GAP43: variants seen among roughly 807,000 people sequenced by gnomAD.
GAP43 encodes the protein neuromodulin.
GAP43 carries 6 observed loss-of-function variants against 18.6 expected under a neutral mutation model. That is an observed-to-expected ratio of 0.32 (90% CI 0.18 to 0.64). The LOEUF (loss-of-function observed/expected upper bound fraction) is 0.64. Among genes scored for constraint, GAP43 ranks in the 30% least tolerant of loss-of-function variants. GAP43 has a pLI of 0.78. For missense variants in GAP43, 292 were observed against 295.5 expected (o/e 0.99, Z 0.09); for synonymous variants, 115 against 111.4 (o/e 1.03, Z -0.20).
rs188853423 is a variant in GAP43, at chr3:115,704,662, G to A, written c.629-16132G>A. On this transcript the variant is annotated intron_variant, in intron 2 of 2. Coordinates refer to ENST00000305124, the MANE Select transcript of GAP43 (RefSeq NM_002045.4). ...GGAGGGAAGGAAGAAAGAAGGGAGA[G>A]AGGATTAGAGTAATACAGTACATTT... Among the ~76,000 whole-genome samples, 155 of 152,186 alleles carry A rather than the reference G, an allele frequency of 1.0e-3. 1 individual carries two copies. Among genetic ancestry groups the A allele is most frequent in the African/African-American group, 3.6e-3 (151 of 41,560 alleles).
At chr3:115,633,633 C>A (rs148845661) in intron 1 of GAP43, among the ~76,000 whole-genome samples, 57 of 152,236 alleles carry the variant, frequency 3.7e-4, no homozygotes, top group African/African-American at 1.3e-3. Flanking sequence ...AACCTATGAG[C>A]TTATACACCT....
chr3:115,683,124 TGCGCGCGC>T (rs112169067), intron 2 of GAP43, among the ~76,000 whole-genome samples: 4 of 113,796 alleles, frequency 3.5e-5, no homozygotes, highest in Non-Finnish European at 7.9e-5. Flanking sequence ...TACATACATG[TGCGCGCGC>T]GTGCGCGCGC....
At chr3:115,678,938 G>A (rs1370808) in intron 2 of GAP43, among the ~76,000 whole-genome samples, 95,672 of 150,052 alleles carry the variant, frequency 0.64, 32,491 homozygotes, top group Admixed American at 0.76. Flanking sequence ...AAATTACTCC[G>A]CTGTGATGAA....
intron 1 of GAP43, among the ~76,000 whole-genome samples, chr3:115,628,274 T>G (rs1489932440): frequency 6.6e-6 from 1 of 151,922 alleles, no homozygotes; most frequent in Non-Finnish European, 1.5e-5. Context: ...CATGCCCTGC[T>G]CTTTCTTGAG....
chr3:115,699,282 C>G (rs1037867163), intron 2 of GAP43, among the ~76,000 whole-genome samples: 1 of 152,192 alleles, frequency 6.6e-6, no homozygotes, highest in Non-Finnish European at 1.5e-5. Context: ...TAATGCCACT[C>G]TCTTACAAAG....
rs556495305 is a variant in GAP43 at position 115,717,672 on chromosome 3, T to C, written c.629-3122T>C. On this transcript the variant is annotated intron_variant, in intron 2 of 2. Coordinates refer to ENST00000305124, the MANE Select transcript of GAP43 (RefSeq NM_002045.4). The stretch of plus-strand genomic sequence containing the variant: ...TTTAAGGAGAGCAAGGATTTTGCTT[T>C]TTTTTTTTTTTTTCTCAGTACCTAG... 5.0e-3 allele frequency among the ~76,000 whole-genome samples: 727 copies of C among 144,948 alleles called. 8 individuals carry two copies. Among genetic ancestry groups the C allele is most frequent in the African/African-American group, 0.02 (704 of 35,376 alleles).
chr3:115,707,742 A>G (rs1709382528), intron 2 of GAP43, among the ~76,000 whole-genome samples: 1 of 152,194 alleles, frequency 6.6e-6, no homozygotes, highest in South Asian at 2.1e-4. Flanking sequence ...ATTAGAAGAT[A>G]GGTATAAAAT....
Position 115,721,392 on chromosome 3 carries a change from A to C in GAP43, c.*510A>C, listed in dbSNP as rs1011350449. ...AAAAACCCAGTTTGTTTTAAAAATA[A>C]ATAAATAAAGCAAATGTGCCAATTA... On this transcript the variant is annotated 3_prime_UTR_variant, in exon 3 of 3. Coordinates refer to ENST00000305124, the MANE Select transcript of GAP43 (RefSeq NM_002045.4). 6.6e-6 allele frequency: 1 copy of C among 152,258 alleles called. No homozygotes were observed. The highest frequency in any genetic ancestry group is 2.4e-5 in the African/African-American group (1 of 41,466). 9.4% of individuals were successfully genotyped at this position (152,258 alleles called of 1,614,324 possible).
chr3:115,679,405 G>A (rs994141681), intron 2 of GAP43, among the ~76,000 whole-genome samples: 1 of 152,076 alleles, frequency 6.6e-6, no homozygotes, highest in Non-Finnish European at 1.5e-5. Flanking sequence ...GAAGTTGGTT[G>A]GTTATTGTCA....
intron 1 of GAP43, among the ~76,000 whole-genome samples, chr3:115,627,690 A>G (rs764740719): frequency 7.2e-5 from 11 of 152,176 alleles, no homozygotes; most frequent in Non-Finnish European, 1.5e-4. Flanking sequence ...AAGAGAAGGT[A>G]TAGCAGCATT....
intron 2 of GAP43, among the ~76,000 whole-genome samples, chr3:115,697,825 T>C (rs562760298): frequency 4.2e-4 from 63 of 151,452 alleles, no homozygotes; most frequent in African/African-American, 1.4e-3. Flanking sequence ...TTTCCACTTA[T>C]AAATTATAGT....
At chr3:115,657,475 T>C (rs1708597779) in intron 1 of GAP43, among the ~76,000 whole-genome samples, 1 of 151,670 alleles carries the variant, frequency 6.6e-6, no homozygotes, top group South Asian at 2.1e-4. Flanking sequence ...CTTTCGCAAA[T>C]ATTTTTTCAG....
At chr3:115,693,689 G>A (rs1709143821) in intron 2 of GAP43, among the ~76,000 whole-genome samples, 1 of 151,870 alleles carries the variant, frequency 6.6e-6, no homozygotes, top group African/African-American at 2.4e-5. Context: ...ATTAAGAAAG[G>A]GGTGGGGGAG....
At chr3:115,696,818 T>C (rs1709197711) in intron 2 of GAP43, among the ~76,000 whole-genome samples, 1 of 151,530 alleles carries the variant, frequency 6.6e-6, no homozygotes, top group Admixed American at 6.6e-5. Flanking sequence ...TAATTTTTGT[T>C]TGTTGGTTAG....
chr3:115,626,377 T>C (rs1708188518), intron 1 of GAP43, among the ~76,000 whole-genome samples: 1 of 152,166 alleles, frequency 6.6e-6, no homozygotes, highest in African/African-American at 2.4e-5. Context: ...CTTGGATTTC[T>C]AAGTTGGAAT....
chr3:115,683,147 G>GCGCGCGCGCGCACACA (rs1252333447), intron 2 of GAP43, among the ~76,000 whole-genome samples: 18 of 127,396 alleles, frequency 1.4e-4, no homozygotes, highest in African/African-American at 2.4e-4. Context: ...GCGCGCGCGC[G>GCGCGCGCGCGCACACA]CACACACACA....
chr3:115,673,270 C>T (rs1306155357), intron 1 of GAP43, among the ~76,000 whole-genome samples: 1 of 152,042 alleles, frequency 6.6e-6, no homozygotes, highest in African/African-American at 2.4e-5. Context: ...AAATTGAGAG[C>T]CCTTTCTTTA....
intron 2 of GAP43, among the ~76,000 whole-genome samples, chr3:115,707,491 A>G (rs1269098332): frequency 2.0e-5 from 3 of 151,620 alleles, no homozygotes; most frequent in Admixed American, 6.6e-5. Flanking sequence ...GAGTCTCCCT[A>G]TGTTGCCTAG....
At chr3:115,690,865 C>T (rs1709102455) in intron 2 of GAP43, among the ~76,000 whole-genome samples, 1 of 150,966 alleles carries the variant, frequency 6.6e-6, no homozygotes, top group Non-Finnish European at 1.5e-5. Flanking sequence ...ACGCCATTCT[C>T]CTGCCTCAGC....
Sources: allele counts gnomAD v4.1 joint callset (sites outside exome capture counted in the v4.1 genomes callset), GRCh38; gene constraint gnomAD v4.1.1; transcripts MANE v1.5; gene names NCBI Gene and HGNC (gene_info 2026-07-23, HGNC 2026-07-21).